The following ACTN1 variants were observed in gnomAD, a reference collection of about 807,000 sequenced individuals.
The protein encoded by ACTN1 is actinin alpha 1.
Under a neutral mutation model 119.6 loss-of-function variants are expected in ACTN1, and 30 were observed. That is an observed-to-expected ratio of 0.25 (90% CI 0.19 to 0.34). The LOEUF is 0.34. Ranked by LOEUF, ACTN1 falls within the 10% of genes least tolerant of loss-of-function variation. The pLI is 1.00. For synonymous variants in ACTN1, 429 were observed against 472.6 expected (o/e 0.91, Z 1.20); for missense variants, 764 against 1,223.4 (o/e 0.62, Z 5.60).
At position 68,874,981 on chromosome 14, in the gene ACTN1, G is replaced by A; in HGVS notation, c.2623C>T (p.Pro875Ser). 1.2e-6 allele frequency: 2 copies of A among 1,613,728 alleles called. No homozygotes were observed. Among genetic ancestry groups the A allele is most frequent in the Non-Finnish European group, 1.7e-6 (2 of 1,180,016 alleles). The change falls in exon 22 of 22, where the codon CCA becomes TCA. Residue 875 changes from proline to serine, a missense_variant. Pro to Ser is a moderately conservative substitution (Grantham distance 74). Coordinates refer to ENST00000394419, the MANE Select transcript of ACTN1 (RefSeq NM_001130004.2). ...ATGCAGTACTCAGCCTGGTCGGGTG[G>A]CAGCTCGCGGCGCAGCTCGTCCATG... ...ITMDELRREL[P>S]PDQAEYCIAR...
chr14:68,881,830 G>C (rs2031536011), intron 16 of ACTN1, among the ~76,000 whole-genome samples: 1 of 152,024 alleles, frequency 6.6e-6, no homozygotes, highest in African/African-American at 2.4e-5. Flanking sequence ...TGCTCAGGAG[G>C]AGGAGGAGAG....
At chr14:68,974,683 G>A (rs981532685) in intron 1 of ACTN1, among the ~76,000 whole-genome samples, 2 of 152,188 alleles carry the variant, frequency 1.3e-5, no homozygotes, top group African/African-American at 4.8e-5. Flanking sequence ...GGCAGAGCCT[G>A]TTGCAACTCT....
At position 68,922,048 on chromosome 14, in the gene ACTN1, G is replaced by C. The variant is rs3784137; in HGVS notation, c.221-923C>G. ...CTGAGAATTTTCTAAGTGCAGCATA[G>C]AGCCATACCTAGGGAAGGGGTATAT... On this transcript the variant is annotated intron_variant, in intron 2 of 21. Transcript: ENST00000394419. Among the ~76,000 whole-genome samples the C allele has an allele frequency of 2.0e-5, 3 of 152,078 alleles. No homozygotes were observed. In the South Asian group the frequency reaches 6.2e-4, roughly 32 times the overall value.
Position 68,884,321 on chromosome 14 carries a change from A to T in ACTN1, c.1495-13T>A, listed in dbSNP as rs1288803431. 3.7e-6 allele frequency: 6 copies of T among 1,613,282 alleles called. No homozygotes were observed. In the East Asian group the frequency reaches 6.7e-5, roughly 18 times the overall value. On this transcript the variant is annotated splice_polypyrimidine_tract_variant and intron_variant, in intron 13 of 21. Transcript: ENST00000394419. ...GTTTCTCGGTCCGCTGGGAGTGCCA[A>T]ATAGGGTAAGGGTTAGTACAGTGAT... is the stretch of plus-strand genomic sequence containing the variant.
chr14:68,933,980 GAA>G (rs60158948), intron 1 of ACTN1, among the ~76,000 whole-genome samples: 22,801 of 119,592 alleles, frequency 0.19, 2,627 homozygotes, highest in East Asian at 0.67. Context: ...CCTGTCTCAA[GAA>G]AAAAAAAAAA....
At position 68,880,680 on chromosome 14, in the gene ACTN1, T is replaced by C. The variant is rs2031421966; in HGVS notation, c.2133+130A>G. ...AGCAGAAGGTACTAAAAATTGAAGA[T>C]GTGAGGCTTCAGGGGTGAAGTTAAT... On this transcript the variant is annotated intron_variant, in intron 17 of 21. Coordinates refer to ENST00000394419, the MANE Select transcript of ACTN1 (RefSeq NM_001130004.2). The surrounding 1 kb of genome is among the most constrained non-coding windows in gnomAD (Gnocchi z 4.6). 2 of 909,130 alleles carry C rather than the reference T, an allele frequency of 2.2e-6. No homozygotes were observed. The highest frequency in any genetic ancestry group is 1.7e-5 in the African/African-American group (1 of 59,904). 56.3% of individuals were successfully genotyped at this position (909,130 alleles called of 1,614,324 possible). A position where few individuals can be genotyped will look rare whatever the true frequency, so the allele number is the denominator to read the frequency against.
At chr14:68,949,893 C>T (rs1413683285) in intron 1 of ACTN1, among the ~76,000 whole-genome samples, 1 of 152,098 alleles carries the variant, frequency 6.6e-6, no homozygotes, top group Non-Finnish European at 1.5e-5. Flanking sequence ...TACATGGGGC[C>T]CCTAGAGTAG....
At chr14:68,893,550 G>A (rs2032656192) in intron 9 of ACTN1, 105 bp downstream of exon 9, 1 of 1,119,234 alleles carries the variant, frequency 8.9e-7, no homozygotes, top group South Asian at 1.4e-5. Context: ...TGGGATCAGA[G>A]ACTATACAAG....
chr14:68,900,554 G>A (rs1041335059), intron 8 of ACTN1, among the ~76,000 whole-genome samples: 1 of 152,048 alleles, frequency 6.6e-6, no homozygotes, highest in African/African-American at 2.4e-5. Context: ...GCCAAGAGCT[G>A]TGCTGCCTGG....
intron 6 of ACTN1, 150 bp from the exon 7 acceptor site, chr14:68,904,886 G>A (rs2033572449): frequency 1.6e-6 from 1 of 612,254 alleles, no homozygotes; most frequent in African/African-American, 1.8e-5. Flanking sequence ...AGATGTGGAA[G>A]GCTGGTCTCA....
In ACTN1 at chr14:68,882,335, G is replaced by A. The variant is rs866942561; in HGVS notation, c.1953+123C>T. On this transcript the variant is annotated intron_variant, in intron 16 of 21. Coordinates refer to ENST00000394419, the MANE Select transcript of ACTN1 (RefSeq NM_001130004.2). This position sits in a 1 kb window ranked among gnomAD's most constrained non-coding sequence, Gnocchi z 4.5. ...GCCTTCTACAGAACAGCAGACCCAC[G>A]GTGGGCTCCGGGCCTCAGTCCTCCA... The A allele has an allele frequency of 3.1e-5, 42 of 1,357,828 alleles. No homozygotes were observed. Among genetic ancestry groups the A allele is most frequent in the Middle Eastern group, 5.4e-4 (2 of 3,738 alleles). 84.1% of individuals were successfully genotyped at this position (1,357,828 alleles called of 1,614,324 possible).
intron 1 of ACTN1, chr14:68,974,067 C>T (rs2036983604): frequency 6.6e-6 from 1 of 152,476 alleles, no homozygotes; most frequent in African/African-American, 2.4e-5. Context: ...AAAAGCAGGG[C>T]CAGTGGGGAA....
At position 68,885,533 on chromosome 14, in the gene ACTN1, G is replaced by A; in HGVS notation, c.1277C>T (p.Thr426Ile). The change falls in exon 12 of 22, where the codon ACC becomes ATC. Residue 426 changes from threonine to isoleucine, a missense_variant. Thr to Ile is a moderately conservative substitution (Grantham distance 89). This residue lies in a region of ACTN1 where 544 missense variants were observed against 912.0 expected (regional missense o/e 0.60). Transcript: ENST00000394419. This position sits in a 1 kb window ranked among gnomAD's most constrained non-coding sequence, Gnocchi z 5.6. Reference sequence around the variant, plus strand: ...GAGCAGGGCCTTGATCTCCGAGAGGGTGGCGGTCTCATAGTCCTTCTGTCG... The same window carrying A: ...GAGCAGGGCCTTGATCTCCGAGAGGATGGCGGTCTCATAGTCCTTCTGTCG... ...MLRQKDYETATLSEIKALLKK... is the reference protein window; with the variant it reads ...MLRQKDYETAILSEIKALLKK... The A allele has an allele frequency of 1.2e-6, 2 of 1,614,062 alleles. No individual in the cohort carries two copies. Among genetic ancestry groups the A allele is most frequent in the Non-Finnish European group, 1.7e-6 (2 of 1,180,020 alleles).
chr14:68,905,281 T>C (rs1170957140), intron 6 of ACTN1, among the ~76,000 whole-genome samples: 2 of 152,256 alleles, frequency 1.3e-5, no homozygotes, highest in Admixed American at 6.5e-5. Context: ...TTCTGCTACC[T>C]TCGCAAGAAC....
chr14:68,973,244 T>A (rs1312088946), intron 1 of ACTN1, among the ~76,000 whole-genome samples: 1 of 152,188 alleles, frequency 6.6e-6, no homozygotes, highest in Non-Finnish European at 1.5e-5. Flanking sequence ...GGTGGGAAAC[T>A]GATAGGGTTT....
At chr14:68,931,554 G>A (rs1044160927) in intron 1 of ACTN1, among the ~76,000 whole-genome samples, 11 of 152,186 alleles carry the variant, frequency 7.2e-5, no homozygotes, top group Non-Finnish European at 1.5e-5. Flanking sequence ...GGCCAGTGGT[G>A]AGGAATGGTG....
At chr14:68,940,073 C>G (rs1566659635) in intron 1 of ACTN1, among the ~76,000 whole-genome samples, 2 of 152,238 alleles carry the variant, frequency 1.3e-5, no homozygotes, top group Non-Finnish European at 2.9e-5. Flanking sequence ...AGTGTGAGAA[C>G]AGCCTCCTCC....
chr14:68,884,566 A>T (rs2031838192), intron 13 of ACTN1, among the ~76,000 whole-genome samples: 1 of 152,260 alleles, frequency 6.6e-6, no homozygotes, highest in Admixed American at 6.5e-5. Context: ...TGGGAGGATG[A>T]GACATGTGAG....
At chr14:68,903,536 C>CAAA (rs34115577) in intron 7 of ACTN1, among the ~76,000 whole-genome samples, 4 of 121,184 alleles carry the variant, frequency 3.3e-5, no homozygotes, top group South Asian at 2.6e-4. Context: ...GACCCCGTCT[C>CAAA]AAAAAAAAAA....
Sources: gnomAD v4.1 joint callset for allele counts (sites outside exome capture counted in the v4.1 genomes callset) on GRCh38, gnomAD v4.1.1 for gene constraint, gnomAD v4.1.1 regional missense constraint, Gnocchi (gnomAD v3.1) non-coding constraint, MANE v1.5 for transcripts, NCBI Gene and HGNC (gene_info 2026-07-23, HGNC 2026-07-21) for gene names.